STAC: variants seen among roughly 807,000 people sequenced by gnomAD.
STAC encodes the protein SH3 and cysteine-rich domain-containing protein.
In STAC, 43 loss-of-function variants were observed where a neutral mutation model predicts 48.8. That is an observed-to-expected ratio of 0.88 (90% CI 0.69 to 1.14). STAC has a LOEUF of 1.14. STAC is among the 50% of genes most tolerant of loss of function. The pLI is 0.00. For missense variants in STAC, 497 were observed against 504.0 expected (o/e 0.99, Z 0.13); for synonymous variants, 193 against 179.5 (o/e 1.07, Z -0.60).
chr3:36,522,770 C>T (rs1448108405), intron 8 of STAC, among the ~76,000 whole-genome samples: 1 of 152,148 alleles, frequency 6.6e-6, no homozygotes, highest in Non-Finnish European at 1.5e-5. Context: ...AAGCAGTGTC[C>T]TCATCTGGAG....
At chr3:36,427,770 A>G (rs1700602099) in intron 1 of STAC, among the ~76,000 whole-genome samples, 1 of 152,232 alleles carries the variant, frequency 6.6e-6, no homozygotes, top group African/African-American at 2.4e-5. Context: ...CAAAGCAGAT[A>G]TTCAACAAAG....
intron 1 of STAC, among the ~76,000 whole-genome samples, chr3:36,408,028 T>C (rs1220073653): frequency 6.6e-6 from 1 of 152,210 alleles, no homozygotes; most frequent in Non-Finnish European, 1.5e-5. Flanking sequence ...TAGAGGCCAC[T>C]GTAGGCCCTT....
intron 1 of STAC, among the ~76,000 whole-genome samples, chr3:36,409,331 A>G (rs1225372138): frequency 6.6e-6 from 1 of 152,214 alleles, no homozygotes; most frequent in Non-Finnish European, 1.5e-5. Context: ...AGTCCAAATC[A>G]GAATTTTGTT....
intron 1 of STAC, among the ~76,000 whole-genome samples, chr3:36,420,799 C>T (rs1209685762): frequency 6.6e-6 from 1 of 152,178 alleles, no homozygotes; most frequent in Non-Finnish European, 1.5e-5. Context: ...CCTTTCTAAA[C>T]AATATGTCAT....
intron 1 of STAC, among the ~76,000 whole-genome samples, chr3:36,387,410 A>G (rs779017817): frequency 2.0e-5 from 3 of 152,032 alleles, no homozygotes; most frequent in Admixed American, 2.0e-4. Context: ...TGCAGCCATA[A>G]CCACCACTCA....
intron 8 of STAC, among the ~76,000 whole-genome samples, chr3:36,519,337 G>A (rs1303968210): frequency 6.6e-6 from 1 of 152,184 alleles, no homozygotes; most frequent in African/African-American, 2.4e-5. Context: ...ATTCCAGTGA[G>A]AAAATGTATG....
chr3:36,536,827 A>C (rs780292896), intron 10 of STAC, among the ~76,000 whole-genome samples: 65 of 151,976 alleles, frequency 4.3e-4, no homozygotes, highest in Non-Finnish European at 7.8e-4. Context: ...AAACAAATTT[A>C]CAAAAAAAAC....
At chr3:36,458,146 A>G (rs1050647969) in intron 2 of STAC, among the ~76,000 whole-genome samples, 2 of 152,110 alleles carry the variant, frequency 1.3e-5, no homozygotes, top group African/African-American at 4.8e-5. Flanking sequence ...TGGCATTTCA[A>G]AAGTCACTGC....
Position 36,391,960 on chromosome 3 carries a change from G to C in STAC, c.111+11206G>C, listed in dbSNP as rs147085647. Among the ~76,000 whole-genome samples the C allele has an allele frequency of 3.9e-5, 6 of 152,226 alleles. No individual in the cohort carries two copies. In the South Asian group the frequency reaches 1.2e-3, roughly 32 times the overall value. ...CTCCCAGGAATGCCACTGCTCCCTTGCCCTCCAAACTGATATCAGGGGAGT... is the reference window on the plus strand; with the variant it reads ...CTCCCAGGAATGCCACTGCTCCCTTCCCCTCCAAACTGATATCAGGGGAGT... On this transcript the variant is annotated intron_variant, in intron 1 of 10. Coordinates refer to ENST00000273183, the MANE Select transcript of STAC (RefSeq NM_003149.3).
intron 1 of STAC, among the ~76,000 whole-genome samples, chr3:36,422,998 T>C (rs1700482442): frequency 6.6e-6 from 1 of 151,948 alleles, no homozygotes; most frequent in Admixed American, 6.6e-5. Context: ...CTCACATAGG[T>C]TTCAAGGCAA....
intron 6 of STAC, among the ~76,000 whole-genome samples, chr3:36,497,828 A>C (rs1436857254): frequency 6.6e-6 from 1 of 152,226 alleles, no homozygotes; most frequent in African/African-American, 2.4e-5. Flanking sequence ...GCCTGAATTC[A>C]TACTACCTGT....
chr3:36,496,109 A>T (rs1331773398), intron 6 of STAC, among the ~76,000 whole-genome samples: 1 of 152,202 alleles, frequency 6.6e-6, no homozygotes, highest in Non-Finnish European at 1.5e-5. Context: ...GTTAAGGGGC[A>T]TTTTCACAGC....
intron 1 of STAC, among the ~76,000 whole-genome samples, chr3:36,388,252 A>G (rs1041075802): frequency 1.5e-4 from 23 of 152,266 alleles, no homozygotes; most frequent in African/African-American, 5.5e-4. Context: ...ACATTTATTC[A>G]TCGAAAGGGT....
intron 1 of STAC, among the ~76,000 whole-genome samples, chr3:36,441,275 T>C (rs1231027374): frequency 6.6e-6 from 1 of 152,182 alleles, no homozygotes; most frequent in Non-Finnish European, 1.5e-5. Context: ...TCTAGTATCC[T>C]CTGTTCTACT....
chr3:36,504,506 G>C (rs758977708), intron 7 of STAC, 49 bp downstream of exon 7: 1 of 1,549,830 alleles, frequency 6.5e-7, no homozygotes, highest in Non-Finnish European at 8.9e-7. Flanking sequence ...TCCTTAGATA[G>C]ACCTGCAGGT....
intron 8 of STAC, among the ~76,000 whole-genome samples, chr3:36,517,886 TAC>T (rs562318931): frequency 2.6e-5 from 4 of 151,770 alleles, no homozygotes; most frequent in Admixed American, 6.6e-5. Flanking sequence ...TACATGCACA[TAC>T]ACACACACTT....
At chr3:36,445,122 GATGTGTTTTTAAAA>G (rs1477919546) in intron 2 of STAC, among the ~76,000 whole-genome samples, 4 of 152,162 alleles carry the variant, frequency 2.6e-5, no homozygotes, top group Non-Finnish European at 5.9e-5. Flanking sequence ...AAAGACAGAG[GATGTGTTTTTAAAA>G]ATGAGTAACA....
intron 1 of STAC, among the ~76,000 whole-genome samples, chr3:36,385,751 A>G (rs1026479701): frequency 1.6e-4 from 25 of 152,258 alleles, no homozygotes; most frequent in Admixed American, 1.6e-3. Context: ...AAATTGAATC[A>G]TACAATATTT....
At chr3:36,391,692 G>T (rs1181613952) in intron 1 of STAC, among the ~76,000 whole-genome samples, 1 of 152,198 alleles carries the variant, frequency 6.6e-6, no homozygotes, top group African/African-American at 2.4e-5. Flanking sequence ...ATGATCCTGA[G>T]CGGGGCGGGC....
Sources: allele counts gnomAD v4.1 joint callset (sites outside exome capture counted in the v4.1 genomes callset), GRCh38; gene constraint gnomAD v4.1.1; transcripts MANE v1.5; gene names NCBI Gene and HGNC (gene_info 2026-07-23, HGNC 2026-07-21).